ARHGEF18: variants seen among roughly 807,000 people sequenced by gnomAD.
The protein encoded by ARHGEF18 is rho guanine nucleotide exchange factor 18.
ARHGEF18 carries 93 observed loss-of-function variants against 155.7 expected under a neutral mutation model. The ratio of observed to expected loss-of-function variants is 0.60; its 90% CI spans 0.50 to 0.71. The LOEUF (loss-of-function observed/expected upper bound fraction) is 0.71, where lower values mean the gene tolerates loss of function less well. Among genes scored for constraint, ARHGEF18 ranks in the 30% least tolerant of loss-of-function variants. The pLI is 0.00. For synonymous variants in ARHGEF18, 742 were observed against 753.1 expected (o/e 0.99, Z 0.24); for missense variants, 1,593 against 1,816.1 (o/e 0.88, Z 2.23).
chr19:7,351,647 TCCAGCCATC>T (rs1366517254), intron 1 of ARHGEF18, among the ~76,000 whole-genome samples: 1 of 149,486 alleles, frequency 6.7e-6, no homozygotes, highest in Non-Finnish European at 1.5e-5. Context: ...AAGGATCCCA[TCCAGCCATC>T]CCTGTATCAT....
At chr19:7,478,326 G>GCCGTGGGGCT in the ARHGEF18 span, 1 of 1,610,890 alleles carries the variant, frequency 6.2e-7, no homozygotes. Flanking sequence ...GGTGAAGGGC[G>GCCGTGGGGCT]CCGTGGGGCT....
downstream of ARHGEF18, among the ~76,000 whole-genome samples, chr19:7,476,225 C>G (rs897432869): frequency 1.3e-5 from 2 of 152,220 alleles, no homozygotes; most frequent in African/African-American, 4.8e-5. Flanking sequence ...GTAGGAGGAT[C>G]CCTTGAGCCC....
chr19:7,441,799 A>T, intron 12 of ARHGEF18, 34 bp downstream of exon 12: 2 of 1,613,632 alleles, frequency 1.2e-6, no homozygotes, highest in Non-Finnish European at 1.7e-6. Context: ...CGGCTGCCAC[A>T]CAGTTCCTGT....
At chr19:7,446,018 C>G (rs1974967163) in intron 14 of ARHGEF18, among the ~76,000 whole-genome samples, 1 of 152,176 alleles carries the variant, frequency 6.6e-6, no homozygotes, top group Non-Finnish European at 1.5e-5. Flanking sequence ...AGCCCCGAAG[C>G]AGAAGGTTTT....
intron 10 of ARHGEF18, among the ~76,000 whole-genome samples, chr19:7,439,479 G>A (rs1974489824): frequency 6.6e-6 from 1 of 151,994 alleles, no homozygotes; most frequent in South Asian, 2.1e-4. Flanking sequence ...TTAAAAAGTT[G>A]CATCTTTCCA....
rs200456815 is a variant in ARHGEF18 at position 7,462,457 on chromosome 19, GT to G, written c.2635+124del. Reference sequence around the variant, plus strand: ...CACCCTGTCCAGGACAGGCTTCTATGTGGGGGGGGCCCAGGAGCAGCACTGA... The same window carrying G: ...CACCCTGTCCAGGACAGGCTTCTATGGGGGGGGGCCCAGGAGCAGCACTGA... On this transcript the variant is annotated intron_variant, in intron 21 of 28. Transcript: ENST00000668164. This position sits in a 1 kb window ranked among gnomAD's most constrained non-coding sequence, Gnocchi z 4.4. 8.8e-7 allele frequency: 1 copy of G among 1,136,078 alleles called. No individual in the cohort carries two copies. Among genetic ancestry groups the G allele is most frequent in the Non-Finnish European group, 1.1e-6 (1 of 879,794 alleles). The allele number at this position is 1,136,078 out of a possible 1,614,324, so 70.4% of individuals were successfully genotyped here.
At chr19:7,439,236 G>A (rs1181494998) in intron 10 of ARHGEF18, among the ~76,000 whole-genome samples, 2 of 150,832 alleles carry the variant, frequency 1.3e-5, no homozygotes, top group Non-Finnish European at 2.9e-5. Flanking sequence ...CAGGAGGACC[G>A]CTTGAAGTCA....
At chr19:7,397,506 G>A (rs112634049) in intron 10 of ARHGEF18, among the ~76,000 whole-genome samples, 3 of 151,930 alleles carry the variant, frequency 2.0e-5, no homozygotes, top group Admixed American at 6.6e-5. Context: ...CCCGGGGGGG[G>A]GCAGATCACG....
chr19:7,459,882 A>G, intron 19 of ARHGEF18, 21 bp from the exon 20 acceptor site: 1 of 1,553,040 alleles, frequency 6.4e-7, no homozygotes. Context: ...ACAGTTACCC[A>G]CCCGACTCCT....
intron 10 of ARHGEF18, among the ~76,000 whole-genome samples, chr19:7,405,234 C>T (rs1460537799): frequency 6.6e-6 from 1 of 152,216 alleles, no homozygotes; most frequent in East Asian, 1.9e-4. Flanking sequence ...GCTGGGATTA[C>T]AGGCGTGAGC....
Position 7,463,974 on chromosome 19 carries a change from C to G in ARHGEF18, c.2773+19C>G, listed in dbSNP as rs764024010. On this transcript the variant is annotated intron_variant, in intron 22 of 28. Coordinates refer to ENST00000668164, the MANE Select transcript of ARHGEF18 (RefSeq NM_001367823.1). This position sits in a 1 kb window ranked among gnomAD's most constrained non-coding sequence, Gnocchi z 5.2. ...ACCAAGAGTAAGAGCGGGGCCGTCT[C>G]CCCTCCTGCCTCCAGGGCCGCCCCT... 7 of 1,560,310 alleles carry G rather than the reference C, an allele frequency of 4.5e-6. No individual in the cohort carries two copies. The highest frequency in any genetic ancestry group is 6.1e-6 in the Non-Finnish European group (7 of 1,152,130).
In ARHGEF18 at chr19:7,412,524, C is replaced by A. The variant is rs575170863; in HGVS notation, c.968-27820C>A. Reference sequence around the variant, plus strand: ...TGGGAGACGAAGGTGGGCGGATCACCTGAGGTCAGGAGTTCCAGACCAGCC... The same window carrying A: ...TGGGAGACGAAGGTGGGCGGATCACATGAGGTCAGGAGTTCCAGACCAGCC... On this transcript the variant is annotated intron_variant, in intron 10 of 28. Coordinates refer to ENST00000668164, the MANE Select transcript of ARHGEF18 (RefSeq NM_001367823.1). Among the ~76,000 whole-genome samples, 633 of 151,784 alleles carry A rather than the reference C, an allele frequency of 4.2e-3. 4 individuals carry two copies. The highest frequency in any genetic ancestry group is 6.6e-3 in the Admixed American group (100 of 15,214).
chr19:7,367,379 T>C (rs10412663), intron 2 of ARHGEF18, among the ~76,000 whole-genome samples: 1 of 151,844 alleles, frequency 6.6e-6, no homozygotes, highest in South Asian at 2.1e-4. Flanking sequence ...CGAGGTGGGA[T>C]GGTCACTTTA....
At chr19:7,398,047 A>G (rs1385573935) in intron 10 of ARHGEF18, among the ~76,000 whole-genome samples, 1 of 152,112 alleles carries the variant, frequency 6.6e-6, no homozygotes, top group African/African-American at 2.4e-5. Context: ...CACTGTGTAT[A>G]TATACTTCAA....
chr19:7,385,870 TC>T (rs1279086371), intron 10 of ARHGEF18, among the ~76,000 whole-genome samples: 10 of 29,566 alleles, frequency 3.4e-4, no homozygotes, highest in African/African-American at 5.7e-4. Flanking sequence ...TCTCTCTCTC[TC>T]CCCCCTCCCT....
chr19:7,429,923 G>A (rs1348087670), intron 10 of ARHGEF18, among the ~76,000 whole-genome samples: 1 of 151,376 alleles, frequency 6.6e-6, no homozygotes, highest in Non-Finnish European at 1.5e-5. Context: ...AGTGCATCCT[G>A]GAAGTACTTT....
intron 10 of ARHGEF18, among the ~76,000 whole-genome samples, chr19:7,410,312 T>C (rs1162300099): frequency 6.6e-6 from 1 of 152,116 alleles, no homozygotes. Flanking sequence ...GTTTCCTCTG[T>C]CCGTCTTAGA....
At position 7,444,480 on chromosome 19, in the gene ARHGEF18, C is replaced by T. The variant is rs767021159; in HGVS notation, c.1611+26C>T. ...GTGGGTGCAGCCGTGTTCATCTCAA[C>T]AGTCTTCAAAGCCTCTGCCTTGTCT... On this transcript the variant is annotated intron_variant, in intron 14 of 28. Transcript: ENST00000668164. The surrounding 1 kb of genome is among the most constrained non-coding windows in gnomAD (Gnocchi z 4.7). 6.2e-7 allele frequency: 1 copy of T among 1,608,326 alleles called. No homozygotes were observed. The highest frequency in any genetic ancestry group is 1.7e-5 in the Admixed American group (1 of 59,852).
At chr19:7,466,853 A>AGAAGAAGAAGGC in intron 23 of ARHGEF18, 65 bp from the exon 24 acceptor site, 4 of 1,379,908 alleles carry the variant, frequency 2.9e-6, no homozygotes, top group Non-Finnish European at 4.0e-6. Context: ...AAGAAGAAGA[A>AGAAGAAGAAGGC]GGCTTGAGTC....
Sources: allele counts gnomAD v4.1 joint callset (sites outside exome capture counted in the v4.1 genomes callset), GRCh38; gene constraint gnomAD v4.1.1; non-coding constraint Gnocchi (gnomAD v3.1); transcripts MANE v1.5; gene names NCBI Gene and HGNC (gene_info 2026-07-23, HGNC 2026-07-21).